GALNTL6: variants seen among roughly 807,000 people sequenced by gnomAD.
GALNTL6 encodes the protein polypeptide N-acetylgalactosaminyltransferase like 6, also known as polypeptide N-acetylgalactosaminyltransferase-like 6.
Under a neutral mutation model 73.7 loss-of-function variants are expected in GALNTL6, and 46 were observed. The ratio of observed to expected loss-of-function variants is 0.62; its 90% CI spans 0.49 to 0.80. GALNTL6 has a LOEUF of 0.80. Ranked by LOEUF, GALNTL6 falls within the 30% of genes least tolerant of loss-of-function variation. The pLI is 0.00. For synonymous variants in GALNTL6, 259 were observed against 263.7 expected, an observed-to-expected ratio of 0.98 and a Z score of 0.17; for missense variants, 604 against 755.0, an observed-to-expected ratio of 0.80 and a Z score of 2.34.
intron 8 of GALNTL6, among the ~76,000 whole-genome samples, chr4:172,889,136 T>G (rs1181689958): frequency 6.6e-6 from 1 of 152,210 alleles, no homozygotes; most frequent in Non-Finnish European, 1.5e-5. Context: ...CTGAAGCCAT[T>G]TATCAGGTCT....
At chr4:172,142,305 C>T (rs763338975) in intron 2 of GALNTL6, among the ~76,000 whole-genome samples, 6 of 151,994 alleles carry the variant, frequency 3.9e-5, no homozygotes, top group Non-Finnish European at 7.4e-5. Context: ...TTTGTGCAGT[C>T]CTTAAACATT....
intron 5 of GALNTL6, among the ~76,000 whole-genome samples, chr4:172,690,876 A>C (rs1002501267): frequency 1.3e-5 from 2 of 152,204 alleles, no homozygotes; most frequent in African/African-American, 4.8e-5. Context: ...GTTCTTGAGA[A>C]GGGCCTGGCA....
intron 2 of GALNTL6, among the ~76,000 whole-genome samples, chr4:172,017,547 C>G (rs898913349): frequency 1.3e-5 from 2 of 152,088 alleles, no homozygotes. Flanking sequence ...AGACCCCTCA[C>G]AATCACAGAG....
At chr4:172,243,314 G>A (rs1737512138) in intron 3 of GALNTL6, among the ~76,000 whole-genome samples, 1 of 152,174 alleles carries the variant, frequency 6.6e-6, no homozygotes, top group South Asian at 2.1e-4. Context: ...ATCATATGTG[G>A]ATGTAATTAC....
At chr4:172,698,344 A>G (rs2111280857) in intron 5 of GALNTL6, among the ~76,000 whole-genome samples, 1 of 152,224 alleles carries the variant, frequency 6.6e-6, no homozygotes, top group East Asian at 1.9e-4. Flanking sequence ...CCCTTGACAC[A>G]GGCAATATCA....
At chr4:172,646,152 GTTC>G (rs1418406664) in intron 5 of GALNTL6, among the ~76,000 whole-genome samples, 1 of 151,904 alleles carries the variant, frequency 6.6e-6, no homozygotes, top group Non-Finnish European at 1.5e-5. Flanking sequence ...ATCCAACTTT[GTTC>G]TTCTTCTAAA....
At chr4:172,979,680 C>A (rs1302544170) in intron 10 of GALNTL6, among the ~76,000 whole-genome samples, 1 of 152,156 alleles carries the variant, frequency 6.6e-6, no homozygotes, top group Admixed American at 6.5e-5. Flanking sequence ...TTTAGGAGCC[C>A]TTTGAGTTAC....
At chr4:172,332,897 T>G (rs557806610) in intron 4 of GALNTL6, among the ~76,000 whole-genome samples, 3 of 152,338 alleles carry the variant, frequency 2.0e-5, no homozygotes, top group Admixed American at 2.0e-4. Context: ...CCATGCTGAC[T>G]ATACTAGTTT....
chr4:171,910,238 C>A (rs1349558857), intron 2 of GALNTL6, among the ~76,000 whole-genome samples: 1 of 152,016 alleles, frequency 6.6e-6, no homozygotes, highest in Admixed American at 6.6e-5. Flanking sequence ...TTACCTTCAT[C>A]TTTTTAATAA....
At chr4:172,101,089 A>C (rs925366549) in intron 2 of GALNTL6, among the ~76,000 whole-genome samples, 1 of 152,102 alleles carries the variant, frequency 6.6e-6, no homozygotes, top group East Asian at 1.9e-4. Flanking sequence ...TCCTGGATGA[A>C]TGTTCTGCAG....
intron 5 of GALNTL6, among the ~76,000 whole-genome samples, chr4:172,662,295 C>T (rs555537769): frequency 2.4e-4 from 37 of 152,242 alleles, no homozygotes; most frequent in Middle Eastern, 3.4e-3. Flanking sequence ...TTGCTAATTG[C>T]GAAATATTTC....
At chr4:172,720,358 C>T (rs1735392650) in intron 5 of GALNTL6, among the ~76,000 whole-genome samples, 1 of 152,160 alleles carries the variant, frequency 6.6e-6, no homozygotes. Context: ...TTCCCGCCCG[C>T]CATTCAAATC....
chr4:171,950,682 G>C (rs772034268), intron 2 of GALNTL6, among the ~76,000 whole-genome samples: 1 of 151,964 alleles, frequency 6.6e-6, no homozygotes, highest in Non-Finnish European at 1.5e-5. Flanking sequence ...GTTTCACCAT[G>C]TCAGCCAGGC....
chr4:171,934,201 G>A (rs927820115), intron 2 of GALNTL6, among the ~76,000 whole-genome samples: 10 of 152,200 alleles, frequency 6.6e-5, no homozygotes, highest in South Asian at 6.2e-4. Context: ...TAAGATTACA[G>A]CATTGCTCTC....
intron 2 of GALNTL6, among the ~76,000 whole-genome samples, chr4:172,129,645 C>T (rs549329339): frequency 3.3e-5 from 5 of 152,014 alleles, no homozygotes; most frequent in African/African-American, 9.7e-5. Context: ...GCATACAGAT[C>T]GAACAAAATA....
At chr4:172,245,505 G>A (rs1488817940) in intron 3 of GALNTL6, among the ~76,000 whole-genome samples, 1 of 152,014 alleles carries the variant, frequency 6.6e-6, no homozygotes, top group Non-Finnish European at 1.5e-5. Flanking sequence ...TTGATGACAG[G>A]GACTATGATG....
chr4:172,295,324 A>G (rs1739628583), intron 3 of GALNTL6, among the ~76,000 whole-genome samples: 1 of 151,850 alleles, frequency 6.6e-6, no homozygotes, highest in Admixed American at 6.6e-5. Context: ...GGGGAGGCTG[A>G]GGCAGGAGAA....
chr4:172,931,685 T>A (rs1447345940), intron 9 of GALNTL6, among the ~76,000 whole-genome samples: 1 of 152,068 alleles, frequency 6.6e-6, no homozygotes, highest in Admixed American at 6.5e-5. Flanking sequence ...AAGGGGTAAA[T>A]GGGAGATGGG....
At chr4:171,980,717 T>A (rs993999600) in intron 2 of GALNTL6, among the ~76,000 whole-genome samples, 5 of 152,174 alleles carry the variant, frequency 3.3e-5, no homozygotes, top group Non-Finnish European at 7.3e-5. Context: ...AGCTCTGAAG[T>A]TGACATCTGC....
Sources: gnomAD v4.1 joint callset for allele counts (sites outside exome capture counted in the v4.1 genomes callset) on GRCh38, gnomAD v4.1.1 for gene constraint, MANE v1.5 for transcripts, NCBI Gene and HGNC (gene_info 2026-07-23, HGNC 2026-07-21) for gene names.